Variants in SLC9A9 observed in about 807,000 individuals in gnomAD.
The protein encoded by SLC9A9 is solute carrier family 9 member A9.
In SLC9A9, 62 loss-of-function variants were observed where a neutral mutation model predicts 77.8. The observed-to-expected ratio is 0.80, with a 90% confidence interval of 0.65 to 0.98. SLC9A9 has a LOEUF of 0.98. SLC9A9 is among the 50% of genes least tolerant of loss of function. The pLI, the probability that SLC9A9 is intolerant of heterozygous loss-of-function variation, is 0.00. For missense variants in SLC9A9, 775 were observed against 774.9 expected (o/e 1.00, Z 0.00); for synonymous variants, 320 against 283.5 (o/e 1.13, Z -1.29).
chr3:143,694,733 TG>T (rs1346122038), intron 4 of SLC9A9, among the ~76,000 whole-genome samples: 2 of 152,192 alleles, frequency 1.3e-5, no homozygotes, highest in Non-Finnish European at 2.9e-5. Flanking sequence ...CACACTGTAT[TG>T]CTTAGATCAA....
intron 9 of SLC9A9, among the ~76,000 whole-genome samples, chr3:143,496,020 T>G (rs188655745): frequency 6.6e-6 from 1 of 152,326 alleles, no homozygotes; most frequent in East Asian, 1.9e-4. Context: ...ACGATGAGAC[T>G]CATTAAATTG....
chr3:143,342,620 C>T (rs1017835730), intron 14 of SLC9A9, among the ~76,000 whole-genome samples: 6 of 152,222 alleles, frequency 3.9e-5, no homozygotes, highest in Non-Finnish European at 7.3e-5. Context: ...GGCCAAACAG[C>T]TTCCAATAGC....
chr3:143,702,391 T>A (rs1032362265), intron 4 of SLC9A9, among the ~76,000 whole-genome samples: 1 of 151,956 alleles, frequency 6.6e-6, no homozygotes, highest in African/African-American at 2.4e-5. Context: ...AATACACAAA[T>A]TGAAAAAACA....
intron 13 of SLC9A9, among the ~76,000 whole-genome samples, chr3:143,371,780 A>C (rs2033065094): frequency 1.3e-5 from 2 of 152,208 alleles, no homozygotes; most frequent in East Asian, 3.8e-4. Flanking sequence ...TCCAGCTGTA[A>C]CTGTTCACTG....
At chr3:143,794,510 G>T (rs2008317592) in intron 4 of SLC9A9, among the ~76,000 whole-genome samples, 1 of 152,092 alleles carries the variant, frequency 6.6e-6, no homozygotes, top group Non-Finnish European at 1.5e-5. Context: ...ATTCTACAGG[G>T]TATTAACTGA....
intron 7 of SLC9A9, among the ~76,000 whole-genome samples, chr3:143,574,757 T>C (rs576261469): frequency 1.3e-5 from 2 of 152,348 alleles, no homozygotes; most frequent in Admixed American, 6.5e-5. Flanking sequence ...GGTTCCATTA[T>C]TAATGAACCA....
intron 8 of SLC9A9, among the ~76,000 whole-genome samples, chr3:143,554,690 G>T (rs1432895065): frequency 6.6e-6 from 1 of 151,990 alleles, no homozygotes; most frequent in Non-Finnish European, 1.5e-5. Context: ...ATCTCTTCCT[G>T]CCCCTTCCCC....
intron 2 of SLC9A9, among the ~76,000 whole-genome samples, chr3:143,805,002 T>A (rs1430814811): frequency 6.6e-6 from 1 of 152,124 alleles, no homozygotes; most frequent in Non-Finnish European, 1.5e-5. Context: ...GTATTGTTTT[T>A]ACCTAAATCA....
intron 9 of SLC9A9, among the ~76,000 whole-genome samples, chr3:143,533,918 C>A (rs1576559321): frequency 6.6e-6 from 1 of 152,164 alleles, no homozygotes; most frequent in East Asian, 1.9e-4. Context: ...CAGTTTCTAA[C>A]ATAAGCATCC....
chr3:143,561,335 TTC>T (rs2037081082), intron 8 of SLC9A9, among the ~76,000 whole-genome samples: 1 of 152,198 alleles, frequency 6.6e-6, no homozygotes, highest in Admixed American at 6.5e-5. Flanking sequence ...ATTGATAGTC[TTC>T]TGTGCATTTT....
chr3:143,841,515 C>T (rs552952188), intron 1 of SLC9A9, among the ~76,000 whole-genome samples: 15 of 152,256 alleles, frequency 9.9e-5, no homozygotes, highest in Middle Eastern at 3.4e-3. Context: ...CTCTCCATAT[C>T]CCCACTTCAT....
chr3:143,358,335 C>A (rs1051968330), intron 14 of SLC9A9, among the ~76,000 whole-genome samples: 1 of 152,174 alleles, frequency 6.6e-6, no homozygotes, highest in African/African-American at 2.4e-5. Flanking sequence ...ATCCACGTGG[C>A]TTTATGTAAT....
At chr3:143,541,332 A>G (rs1479830676) in intron 9 of SLC9A9, among the ~76,000 whole-genome samples, 1 of 152,174 alleles carries the variant, frequency 6.6e-6, no homozygotes. Flanking sequence ...TCTTCTGCCA[A>G]CAGCCACGTA....
At chr3:143,825,496 A>G (rs2009274955) in intron 2 of SLC9A9, among the ~76,000 whole-genome samples, 1 of 152,230 alleles carries the variant, frequency 6.6e-6, no homozygotes, top group African/African-American at 2.4e-5. Context: ...ATTACTTTTA[A>G]AAGTCTTATG....
chr3:143,700,601 G>A (rs890180079), intron 4 of SLC9A9, among the ~76,000 whole-genome samples: 3 of 152,228 alleles, frequency 2.0e-5, no homozygotes, highest in African/African-American at 4.8e-5. Context: ...GGAGGGAAGA[G>A]TGGAAATGAC....
At chr3:143,410,782 C>A (rs1208785913) in intron 12 of SLC9A9, among the ~76,000 whole-genome samples, 1 of 152,060 alleles carries the variant, frequency 6.6e-6, no homozygotes, top group Non-Finnish European at 1.5e-5. Flanking sequence ...TTTAAGACTG[C>A]ATATTTCCCT....
At chr3:143,347,416 T>C (rs1327919497) in intron 14 of SLC9A9, among the ~76,000 whole-genome samples, 1 of 152,070 alleles carries the variant, frequency 6.6e-6, no homozygotes, top group East Asian at 1.9e-4. Context: ...AGGAAACAGA[T>C]AAATGGAGGA....
chr3:143,537,904 C>T (rs1197030388), intron 9 of SLC9A9, among the ~76,000 whole-genome samples: 1 of 152,196 alleles, frequency 6.6e-6, no homozygotes, highest in Non-Finnish European at 1.5e-5. Context: ...TAGGAATTTT[C>T]CTCTTAAAGG....
intron 11 of SLC9A9, among the ~76,000 whole-genome samples, chr3:143,475,841 A>G (rs2035468189): frequency 7.1e-6 from 1 of 140,602 alleles, no homozygotes; most frequent in South Asian, 2.2e-4. Flanking sequence ...TGAGCAGTAG[A>G]TGGACAGGGA....
Sources: gnomAD v4.1 joint callset for allele counts (sites outside exome capture counted in the v4.1 genomes callset) on GRCh38, gnomAD v4.1.1 for gene constraint, MANE v1.5 for transcripts, NCBI Gene and HGNC (gene_info 2026-07-23, HGNC 2026-07-21) for gene names.